The following GNG12 variants were observed in gnomAD, a reference collection of about 807,000 sequenced individuals.
The protein encoded by GNG12 is guanine nucleotide-binding protein G(I)/G(S)/G(O) subunit gamma-12.
For missense variants in GNG12, 69 were observed against 83.8 expected (o/e 0.82, Z 0.69); for synonymous variants, 28 against 29.7 (o/e 0.94, Z 0.19).
chr1:67,732,907 C>T (rs1382607224), intron 2 of GNG12, among the ~76,000 whole-genome samples: 1 of 152,200 alleles, frequency 6.6e-6, no homozygotes. Context: ...TTGGTCCAGG[C>T]CTGAGTGATT....
chr1:67,751,047 C>T (rs1646535627), intron 2 of GNG12, among the ~76,000 whole-genome samples: 1 of 152,042 alleles, frequency 6.6e-6, no homozygotes, highest in Admixed American at 6.6e-5. Flanking sequence ...ATATTTTTCA[C>T]CAGTTTTTAA....
chr1:67,743,827 A>G (rs1456672126), intron 2 of GNG12, among the ~76,000 whole-genome samples: 1 of 152,228 alleles, frequency 6.6e-6, no homozygotes. Flanking sequence ...CCAGCTTTTT[A>G]CAAGGATATT....
At chr1:67,715,942 A>T (rs1199800136) in intron 2 of GNG12, among the ~76,000 whole-genome samples, 1 of 152,228 alleles carries the variant, frequency 6.6e-6, no homozygotes, top group Non-Finnish European at 1.5e-5. Context: ...AGGAGTTAAG[A>T]CATAAAATTC....
intron 1 of GNG12, among the ~76,000 whole-genome samples, chr1:67,832,858 C>T (rs1647056588): frequency 6.6e-6 from 1 of 152,160 alleles, no homozygotes; most frequent in Non-Finnish European, 1.5e-5. Context: ...TCCCTGTCGC[C>T]CCCACATGCC....
intron 2 of GNG12, among the ~76,000 whole-genome samples, chr1:67,767,933 T>C (rs939798161): frequency 2.4e-4 from 36 of 152,366 alleles, no homozygotes; most frequent in African/African-American, 8.2e-4. Context: ...AACAGTGTTC[T>C]GCAAATTTGA....
At position 67,772,353 on chromosome 1, in the gene GNG12, C is replaced by G. The variant is rs557188219; in HGVS notation, c.-27+5105G>C. 2.0e-5 allele frequency among the ~76,000 whole-genome samples: 3 copies of G among 152,292 alleles called. No homozygotes were observed. In the South Asian group the frequency reaches 6.2e-4, roughly 32 times the overall value. Reference sequence around the variant, plus strand: ...CCATCCTTGTCCTCTCCACATGTTCCTTATTGGTAGTCTGGATCATGACAC... The same window carrying G: ...CCATCCTTGTCCTCTCCACATGTTCGTTATTGGTAGTCTGGATCATGACAC... On this transcript the variant is annotated intron_variant, in intron 2 of 3. Coordinates refer to ENST00000370982, the MANE Select transcript of GNG12 (RefSeq NM_018841.6).
chr1:67,774,346 T>C (rs1442529096), intron 2 of GNG12, among the ~76,000 whole-genome samples: 1 of 152,194 alleles, frequency 6.6e-6, no homozygotes, highest in Admixed American at 6.5e-5. Context: ...CTTACTTATT[T>C]TTCTTAATTG....
chr1:67,789,489 C>T (rs1203838126), intron 1 of GNG12, among the ~76,000 whole-genome samples: 1 of 152,076 alleles, frequency 6.6e-6, no homozygotes, highest in Non-Finnish European at 1.5e-5. Context: ...AACTATGATT[C>T]CTCTAAAAGT....
At chr1:67,811,542 T>C (rs530089194) in intron 1 of GNG12, among the ~76,000 whole-genome samples, 1 of 152,304 alleles carries the variant, frequency 6.6e-6, no homozygotes, top group East Asian at 1.9e-4. Context: ...ACCACATCAC[T>C]GGCCTGACTT....
chr1:67,795,113 T>C (rs1646823012), intron 1 of GNG12, among the ~76,000 whole-genome samples: 1 of 152,218 alleles, frequency 6.6e-6, no homozygotes. Flanking sequence ...TTCAAAGGCC[T>C]TGCGCTTTTT....
chr1:67,716,526 G>A (rs977467889), intron 2 of GNG12, among the ~76,000 whole-genome samples: 2 of 152,220 alleles, frequency 1.3e-5, no homozygotes, highest in Admixed American at 6.5e-5. Context: ...TTTGACAGAT[G>A]AAGCAGAGAG....
chr1:67,762,178 G>A (rs928149081), intron 2 of GNG12, among the ~76,000 whole-genome samples: 11 of 152,038 alleles, frequency 7.2e-5, no homozygotes, highest in Admixed American at 5.2e-4. Flanking sequence ...CACCACCACC[G>A]CCCCCAACCC....
At chr1:67,752,089 T>C (rs980574928) in intron 2 of GNG12, among the ~76,000 whole-genome samples, 4 of 152,218 alleles carry the variant, frequency 2.6e-5, no homozygotes, top group South Asian at 2.1e-4. Flanking sequence ...CCATCCTCAA[T>C]TGATTACGCT....
intron 2 of GNG12, among the ~76,000 whole-genome samples, chr1:67,724,072 A>G (rs368314727): frequency 6.6e-6 from 1 of 152,202 alleles, no homozygotes; most frequent in South Asian, 2.1e-4. Context: ...AGTGTAGTCA[A>G]GACAAGGAAT....
intron 2 of GNG12, among the ~76,000 whole-genome samples, chr1:67,755,102 G>T (rs1210084026): frequency 6.6e-6 from 1 of 152,230 alleles, no homozygotes; most frequent in Non-Finnish European, 1.5e-5. Context: ...TTATCTGTCC[G>T]CCTTGGCGTT....
At position 67,705,365 on chromosome 1, in the gene GNG12, C is replaced by A. The variant is rs1221408839; in HGVS notation, c.*86G>T. On this transcript the variant is annotated 3_prime_UTR_variant, in exon 4 of 4. Transcript: ENST00000370982. ...ACATTTTAGTTATTAGCAGTGGTTA[C>A]CAAATAAGCTGAAGGTAAATCTCTT... The A allele has an allele frequency of 7.8e-6, 12 of 1,540,202 alleles. No individual in the cohort carries two copies. The highest frequency in any genetic ancestry group is 1.0e-5 in the Non-Finnish European group (12 of 1,147,468).
At chr1:67,808,701 T>C (rs894820731) in intron 1 of GNG12, among the ~76,000 whole-genome samples, 1 of 152,158 alleles carries the variant, frequency 6.6e-6, no homozygotes. Context: ...CTATTTATAT[T>C]AGCACTCCCA....
At chr1:67,727,313 G>A (rs1232778332) in intron 2 of GNG12, among the ~76,000 whole-genome samples, 1 of 152,200 alleles carries the variant, frequency 6.6e-6, no homozygotes, top group East Asian at 1.9e-4. Context: ...GAAAGTTGAA[G>A]CAAATTCTAT....
chr1:67,728,848 T>C (rs914955541), intron 2 of GNG12, among the ~76,000 whole-genome samples: 4 of 152,164 alleles, frequency 2.6e-5, no homozygotes, highest in Non-Finnish European at 5.9e-5. Flanking sequence ...CCAGAATGGT[T>C]TGGGGAAGGG....
Sources: allele counts gnomAD v4.1 joint callset (sites outside exome capture counted in the v4.1 genomes callset), GRCh38; gene constraint gnomAD v4.1.1; transcripts MANE v1.5; gene names NCBI Gene and HGNC (gene_info 2026-07-23, HGNC 2026-07-21).